RBM25: variants seen among roughly 807,000 people sequenced by gnomAD.
The protein encoded by RBM25 is RNA-binding protein 25.
In RBM25, 19 loss-of-function variants were observed where a neutral mutation model predicts 120.7. That is an observed-to-expected ratio of 0.16 (90% CI 0.11 to 0.23). The LOEUF (loss-of-function observed/expected upper bound fraction) is 0.23. Ranked by LOEUF, RBM25 falls within the 10% of genes least tolerant of loss-of-function variation. The probability of loss-of-function intolerance (pLI) is 1.00; values close to 1 mark genes in which losing one functional copy is unlikely to be tolerated. For synonymous variants in RBM25, 390 were observed against 326.7 expected, an observed-to-expected ratio of 1.19 and a Z score of -2.09; for missense variants, 605 against 1,041.5, an observed-to-expected ratio of 0.58 and a Z score of 5.77.
intron 1 of RBM25, among the ~76,000 whole-genome samples, chr14:73,061,563 G>A (rs1266830945): frequency 6.6e-6 from 1 of 151,064 alleles, no homozygotes; most frequent in Non-Finnish European, 1.5e-5. Flanking sequence ...AGTAGATAGC[G>A]CTGCTTTTTT....
At chr14:73,119,341 T>TGA (rs1566604594) in intron 18 of RBM25, among the ~76,000 whole-genome samples, 1 of 152,010 alleles carries the variant, frequency 6.6e-6, no homozygotes, top group Non-Finnish European at 1.5e-5. Flanking sequence ...GGCGCGATCT[T>TGA]GGCAAGCTCC....
At chr14:73,087,418 C>T (rs1353539367) in intron 5 of RBM25, among the ~76,000 whole-genome samples, 5 of 138,466 alleles carry the variant, frequency 3.6e-5, no homozygotes, top group African/African-American at 5.5e-5. Context: ...TTTTTTGAGA[C>T]GGAGTCTCGC....
Position 73,096,898 on chromosome 14 carries a change from T to G in RBM25, c.544-17T>G, listed in dbSNP as rs549577756. ...TGCTTGATTTTTCTTTCCCCTGAATTTGCTGTTTTGTTTAAGAATGCAAGG... is the reference window on the plus strand; with the variant it reads ...TGCTTGATTTTTCTTTCCCCTGAATGTGCTGTTTTGTTTAAGAATGCAAGG... On this transcript the variant is annotated splice_polypyrimidine_tract_variant and intron_variant, in intron 6 of 18. Transcript: ENST00000261973. The G allele has an allele frequency of 5.0e-6, 8 of 1,603,994 alleles. No homozygotes were observed. The East Asian group carries it at 1.6e-4, about 31-fold the overall frequency.
intron 6 of RBM25, among the ~76,000 whole-genome samples, chr14:73,089,893 G>T (rs1300744842): frequency 6.6e-6 from 1 of 151,754 alleles, no homozygotes; most frequent in Non-Finnish European, 1.5e-5. Flanking sequence ...TAGGTGATCT[G>T]TCTGCCTCAG....
intron 4 of RBM25, among the ~76,000 whole-genome samples, chr14:73,081,287 G>A (rs1290532926): frequency 1.3e-5 from 2 of 152,080 alleles, no homozygotes; most frequent in African/African-American, 2.4e-5. Context: ...TCAGGCACCC[G>A]CCACCACGTC....
At chr14:73,093,251 T>G (rs751219342) in intron 6 of RBM25, among the ~76,000 whole-genome samples, 11 of 152,224 alleles carry the variant, frequency 7.2e-5, no homozygotes, top group Non-Finnish European at 1.2e-4. Context: ...GCTGAGTACA[T>G]TTTCTCAAAA....
At chr14:73,104,568 A>C (rs1320463867) in intron 10 of RBM25, among the ~76,000 whole-genome samples, 1 of 151,722 alleles carries the variant, frequency 6.6e-6, no homozygotes, top group Non-Finnish European at 1.5e-5. Flanking sequence ...AGGTTTTGCT[A>C]TGTTGCCCAG....
intron 1 of RBM25, among the ~76,000 whole-genome samples, chr14:73,070,208 C>T (rs927644360): frequency 7.9e-5 from 12 of 151,880 alleles, no homozygotes; most frequent in African/African-American, 2.9e-4. Context: ...CCACCATACC[C>T]TGCTAATTTT....
Position 73,106,206 on chromosome 14 carries a change from A to C in RBM25, c.1388A>C (p.Asn463Thr). 1 of 1,591,928 alleles carries C rather than the reference A, an allele frequency of 6.3e-7. No individual in the cohort carries two copies. Among genetic ancestry groups the C allele is most frequent in the Non-Finnish European group, 8.5e-7 (1 of 1,173,390 alleles). The change falls in exon 12 of 19, where the codon AAT (asparagine) becomes ACT (threonine). Residue 463 changes from asparagine (N) to threonine (T), a missense_variant. Physicochemically the swap from Asn to Thr is moderately conservative, Grantham distance 65. Around this residue, in one of 4 missense-constraint regions of RBM25, gnomAD observed 465 missense variants for 741.6 expected, o/e 0.63. Transcript: ENST00000261973. ...KEAAYQERLK[N>T]WEIRERKKTR... is the part of the protein sequence containing the mutation. ...ATTTAATTTTTTTAGCGCCTTAAGA[A>C]TTGGGAAATCAGAGAACGAAAGAAA...
At chr14:73,080,458 C>T (rs528648982) in intron 4 of RBM25, among the ~76,000 whole-genome samples, 17 of 152,032 alleles carry the variant, frequency 1.1e-4, no homozygotes, top group Non-Finnish European at 1.9e-4. Context: ...CTCCTGACCT[C>T]GTGATCTGCC....
intron 1 of RBM25, chr14:73,069,854 G>A (rs1281991070): frequency 7.3e-6 from 1 of 136,208 alleles, no homozygotes; most frequent in East Asian, 2.1e-4. Flanking sequence ...TTGAGACAGG[G>A]TCTTTCTCTG....
intron 1 of RBM25, among the ~76,000 whole-genome samples, chr14:73,070,381 A>T (rs1895255728): frequency 6.6e-6 from 1 of 152,132 alleles, no homozygotes; most frequent in African/African-American, 2.4e-5. Context: ...AAAAAATCAA[A>T]TGCTAGCTTC....
chr14:73,115,224 G>T (rs1896402280), intron 18 of RBM25, among the ~76,000 whole-genome samples: 1 of 151,110 alleles, frequency 6.6e-6, no homozygotes, highest in African/African-American at 2.4e-5. Flanking sequence ...TTGTTACATA[G>T]GTAAACTTGT....
At chr14:73,103,948 T>TCA (rs368961634) in intron 10 of RBM25, among the ~76,000 whole-genome samples, 128 of 91,406 alleles carry the variant, frequency 1.4e-3, no homozygotes, top group Non-Finnish European at 2.4e-3. Flanking sequence ...TCTCTCTCTC[T>TCA]CACACACACA....
chr14:73,083,643 C>A (rs960844863), intron 5 of RBM25, 92 bp downstream of exon 5: 1 of 852,544 alleles, frequency 1.2e-6, no homozygotes, highest in Non-Finnish European at 1.7e-6. Flanking sequence ...TTGTCTTTAT[C>A]AGTAAGACTT....
At chr14:73,080,531 C>T (rs1895536057) in intron 4 of RBM25, among the ~76,000 whole-genome samples, 1 of 151,914 alleles carries the variant, frequency 6.6e-6, no homozygotes, top group African/African-American at 2.4e-5. Context: ...CCCTCTTACA[C>T]ATCTTTTTTA....
At chr14:73,117,148 T>C (rs1463033820) in intron 18 of RBM25, among the ~76,000 whole-genome samples, 1 of 151,368 alleles carries the variant, frequency 6.6e-6, no homozygotes, top group African/African-American at 2.4e-5. Context: ...GTTCTTTAAT[T>C]AATTATTGCT....
intron 18 of RBM25, among the ~76,000 whole-genome samples, chr14:73,116,427 C>T (rs1896428661): frequency 6.6e-6 from 1 of 152,180 alleles, no homozygotes; most frequent in East Asian, 1.9e-4. Flanking sequence ...TGAGGTCTAG[C>T]TGCTTTGTGT....
rs530285038 is a variant in RBM25 at position 73,063,444 on chromosome 14, C to T, written c.-16+4739C>T. Among the ~76,000 whole-genome samples the T allele has an allele frequency of 7.9e-5, 12 of 151,356 alleles. 1 individual carries two copies. The highest frequency in any genetic ancestry group is 5.8e-4 in the East Asian group (3 of 5,198). ...GATTACAGGCTTGAGCCACCGCGCC[C>T]GGCCCGGAGTTTCATACTTAGCAGG... On this transcript the variant is annotated intron_variant, in intron 1 of 18. Transcript: ENST00000261973.
Sources: gnomAD v4.1 joint callset for allele counts (sites outside exome capture counted in the v4.1 genomes callset) on GRCh38, gnomAD v4.1.1 for gene constraint, gnomAD v4.1.1 regional missense constraint, MANE v1.5 for transcripts, NCBI Gene and HGNC (gene_info 2026-07-23, HGNC 2026-07-21) for gene names.